The following SLC25A18 variants were observed in gnomAD, a reference collection of about 807,000 sequenced individuals.
SLC25A18 encodes mitochondrial glutamate carrier 2.
A neutral mutation model predicts 31.1 loss-of-function variants in SLC25A18; 24 were observed. That is an observed-to-expected ratio of 0.77 (90% CI 0.56 to 1.08). SLC25A18 has a LOEUF of 1.08. Ranked by LOEUF, SLC25A18 falls within the 50% of genes least tolerant of loss-of-function variation. The probability of loss-of-function intolerance (pLI) is 0.00; values close to 1 mark genes in which losing one functional copy is unlikely to be tolerated. For synonymous variants in SLC25A18, 173 were observed against 161.9 expected, an observed-to-expected ratio of 1.07 and a Z score of -0.52; for missense variants, 371 against 418.5, an observed-to-expected ratio of 0.89 and a Z score of 0.99.
At chr22:17,582,434 T>G (rs1365233361) in intron 5 of SLC25A18, 129 bp from the exon 6 acceptor site, 1 of 610,058 alleles carries the variant, frequency 1.6e-6, no homozygotes, top group Non-Finnish European at 2.8e-6. Flanking sequence ...TGAATTAGGC[T>G]CAGGAGCCCC....
rs1279278360 is a variant in SLC25A18, at chr22:17,563,614, G to A, written c.-363G>A. The A allele has an allele frequency of 1.0e-6, 1 of 960,720 alleles. No individual in the cohort carries two copies. Among genetic ancestry groups the A allele is most frequent in the Admixed American group, 6.2e-5 (1 of 16,234 alleles). The allele number at this position is 960,720 out of a possible 1,614,324, so 59.5% of individuals were successfully genotyped here. ...GATATATCCACGGGCTTTGCTTTGAGAAGGAACTGAGTAGGCAGTGAGAAG... is the reference window on the plus strand; with the variant it reads ...GATATATCCACGGGCTTTGCTTTGAAAAGGAACTGAGTAGGCAGTGAGAAG... On this transcript the variant is annotated 5_prime_UTR_variant, in exon 1 of 11. Coordinates refer to ENST00000327451, the MANE Select transcript of SLC25A18 (RefSeq NM_031481.3).
At chr22:17,584,259 G>A (rs2057458976) in intron 7 of SLC25A18, among the ~76,000 whole-genome samples, 1 of 151,784 alleles carries the variant, frequency 6.6e-6, no homozygotes, top group East Asian at 2.0e-4. Context: ...TGGGCGTGGT[G>A]GCGGGCACCT....
intron 1 of SLC25A18, among the ~76,000 whole-genome samples, chr22:17,565,535 G>A (rs2056914414): frequency 6.6e-6 from 1 of 151,924 alleles, no homozygotes; most frequent in African/African-American, 2.4e-5. Context: ...CGCAGCGCCT[G>A]GCTAATTTTT....
At chr22:17,583,629 A>G in intron 7 of SLC25A18, 95 bp downstream of exon 7, 17 of 1,483,372 alleles carry the variant, frequency 1.1e-5, no homozygotes, top group Non-Finnish European at 1.5e-5. Flanking sequence ...AGGCTGTGTG[A>G]CCAGTCAACT....
intron 2 of SLC25A18, among the ~76,000 whole-genome samples, chr22:17,573,769 T>C (rs1192205865): frequency 6.6e-6 from 1 of 152,154 alleles, no homozygotes; most frequent in East Asian, 1.9e-4. Flanking sequence ...ACCAAGGCTC[T>C]CTACAAAGTT....
chr22:17,589,530 TGAGGG>T, intron 9 of SLC25A18, 55 bp from the exon 10 acceptor site: 2 of 1,515,534 alleles, frequency 1.3e-6, no homozygotes, highest in Non-Finnish European at 1.8e-6. Flanking sequence ...CCCTTAGTGT[TGAGGG>T]GAGGACACCG....
In SLC25A18 at chr22:17,579,747, G is replaced by A; in HGVS notation, c.-198G>A. On this transcript the variant is annotated splice_region_variant and 5_prime_UTR_variant, in exon 3 of 11. Coordinates refer to ENST00000327451, the MANE Select transcript of SLC25A18 (RefSeq NM_031481.3). ...GTGTTTCTCTGACTACTTTGCAGGG[G>A]AGGAAGCCGCAGCCCAAGGAGGTCG... 1 of 1,390,260 alleles carries A rather than the reference G, an allele frequency of 7.2e-7. No homozygotes were observed. The highest frequency in any genetic ancestry group is 2.7e-4 in the Middle Eastern group (1 of 3,764). 86.1% of individuals were successfully genotyped at this position (1,390,260 alleles called of 1,614,324 possible). A position where few individuals can be genotyped will look rare whatever the true frequency, so the allele number is the denominator to read the frequency against.
Position 17,590,301 on chromosome 22 carries a change from G to A in SLC25A18, c.*65G>A, listed in dbSNP as rs569979538. 1.4e-5 allele frequency: 22 copies of A among 1,603,832 alleles called. No individual in the cohort carries two copies. Among genetic ancestry groups the A allele is most frequent in the Admixed American group, 1.2e-4 (7 of 59,372 alleles). On this transcript the variant is annotated 3_prime_UTR_variant, in exon 11 of 11. Coordinates refer to ENST00000327451, the MANE Select transcript of SLC25A18 (RefSeq NM_031481.3). Reference sequence around the variant, plus strand: ...CTCTAGCTGTTTCACTTAGCCTAGAGGGGGCAAGGGCAGGTGGGGCCACTC... The same window carrying A: ...CTCTAGCTGTTTCACTTAGCCTAGAAGGGGCAAGGGCAGGTGGGGCCACTC...
rs567558159 is a variant in SLC25A18 at position 17,575,239 on chromosome 22, C to T, written c.-200-4506C>T. Among the ~76,000 whole-genome samples, 26 of 152,242 alleles carry T rather than the reference C, an allele frequency of 1.7e-4. 1 individual carries two copies. The Middle Eastern group carries it at 0.017, about 100-fold the overall frequency. On this transcript the variant is annotated intron_variant, in intron 2 of 10. Coordinates refer to ENST00000327451, the MANE Select transcript of SLC25A18 (RefSeq NM_031481.3). Reference sequence around the variant, plus strand: ...GCCTTTCAGCACGCACTGTCTAAGCCGCTCAGTTGCCATTAAATGGAATGT... The same window carrying T: ...GCCTTTCAGCACGCACTGTCTAAGCTGCTCAGTTGCCATTAAATGGAATGT...
At chr22:17,586,883 G>C (rs1033379983) in intron 7 of SLC25A18, among the ~76,000 whole-genome samples, 1 of 152,214 alleles carries the variant, frequency 6.6e-6, no homozygotes, top group Non-Finnish European at 1.5e-5. Flanking sequence ...AGAAGCAAGC[G>C]GGCCAGGCTG....
intron 5 of SLC25A18, chr22:17,581,811 C>T (rs1040014248): frequency 1.0e-5 from 2 of 199,482 alleles, no homozygotes; most frequent in Non-Finnish European, 2.1e-5. Flanking sequence ...CAGGAGGTAC[C>T]TTGGACAATG....
chr22:17,579,838 C>T lies in SLC25A18; in HGVS notation c.-107C>T, dbSNP rs1483678210. Reference sequence around the variant, plus strand: ...AACCCGTGCTCTGTCCACACTGCTACGGGGCCAGAGCCAAGGAAGCTTCCA... The same window carrying T: ...AACCCGTGCTCTGTCCACACTGCTATGGGGCCAGAGCCAAGGAAGCTTCCA... On this transcript the variant is annotated 5_prime_UTR_variant, in exon 3 of 11. In the 5' UTR this introduces an upstream ATG that the reference lacks. Coordinates refer to ENST00000327451, the MANE Select transcript of SLC25A18 (RefSeq NM_031481.3). The T allele has an allele frequency of 1.1e-5, 16 of 1,514,736 alleles. No homozygotes were observed. The highest frequency in any genetic ancestry group is 1.4e-5 in the African/African-American group (1 of 72,492). 93.8% of individuals were successfully genotyped at this position (1,514,736 alleles called of 1,614,324 possible).
At chr22:17,580,836 T>C in intron 3 of SLC25A18, 1 of 1,314,246 alleles carries the variant, frequency 7.6e-7, no homozygotes, top group Non-Finnish European at 9.7e-7. Context: ...CTTCCCGGGT[T>C]GCAGCAAGAT....
chr22:17,566,600 C>T (rs750727068), intron 1 of SLC25A18, among the ~76,000 whole-genome samples: 11 of 152,000 alleles, frequency 7.2e-5, no homozygotes, highest in African/African-American at 2.4e-4. Flanking sequence ...TTAGTAGAGA[C>T]GGGGTTTCTC....
intron 8 of SLC25A18, 130 bp from the exon 9 acceptor site, chr22:17,587,795 A>C: frequency 8.6e-7 from 1 of 1,162,052 alleles, no homozygotes; most frequent in Non-Finnish European, 1.2e-6. Context: ...ACGGGGCACA[A>C]AAGAAGGGAT....
Position 17,575,507 on chromosome 22 carries a change from GC to G in SLC25A18, c.-200-4234del, listed in dbSNP as rs372482259. Among the ~76,000 whole-genome samples the G allele has an allele frequency of 2.1e-3, 318 of 152,196 alleles. 3 individuals carry two copies. The highest frequency in any genetic ancestry group is 6.8e-3 in the African/African-American group (283 of 41,506). ...AATCATGTGACAAGTTTGCTGATGGGCCCCAAGTTTTATCTGTTACAGGTAA... is the reference window on the plus strand; with the variant it reads ...AATCATGTGACAAGTTTGCTGATGGGCCCAAGTTTTATCTGTTACAGGTAA... On this transcript the variant is annotated intron_variant, in intron 2 of 10. Coordinates refer to ENST00000327451, the MANE Select transcript of SLC25A18 (RefSeq NM_031481.3).
At chr22:17,588,518 C>T (rs538019801) in intron 9 of SLC25A18, 38 of 176,998 alleles carry the variant, frequency 2.1e-4, no homozygotes, top group Middle Eastern at 2.5e-3. Context: ...AGTGTGGTGG[C>T]GGATGCCTGT....
At chr22:17,588,212 T>G (rs8137960) in intron 9 of SLC25A18, 133 bp downstream of exon 9, 4 of 978,824 alleles carry the variant, frequency 4.1e-6, no homozygotes, top group Non-Finnish European at 3.0e-6. Context: ...GAGGCCCTCA[T>G]GGAGAAAGTG....
At chr22:17,589,914 A>C (rs564632702) in intron 10 of SLC25A18, among the ~76,000 whole-genome samples, 181 bp from the exon 11 acceptor site, 1 of 152,174 alleles carries the variant, frequency 6.6e-6, no homozygotes. Flanking sequence ...ACCCAACTGC[A>C]TAAGTAACCA....
Sources: allele counts gnomAD v4.1 joint callset (sites outside exome capture counted in the v4.1 genomes callset), GRCh38; gene constraint gnomAD v4.1.1; transcripts MANE v1.5; gene names NCBI Gene and HGNC (gene_info 2026-07-23, HGNC 2026-07-21).